Variants in AFF3 observed in about 807,000 individuals in gnomAD.
The protein encoded by AFF3 is AF4/FMR2 family member 3.
AFF3 carries 32 observed loss-of-function variants against 129.7 expected under a neutral mutation model. The ratio of observed to expected loss-of-function variants is 0.25; its 90% CI spans 0.19 to 0.33. The LOEUF is 0.33. Ranked by LOEUF, AFF3 falls within the 10% of genes least tolerant of loss-of-function variation. The pLI is 1.00. For missense variants in AFF3, 1,373 were observed against 1,592.0 expected, an observed-to-expected ratio of 0.86 and a Z score of 2.34; for synonymous variants, 644 against 635.4, an observed-to-expected ratio of 1.01 and a Z score of -0.20.
chr2:100,142,011 T>A (rs1692904641), intron 1 of AFF3, among the ~76,000 whole-genome samples: 1 of 152,122 alleles, frequency 6.6e-6, no homozygotes, highest in Non-Finnish European at 1.5e-5. Context: ...CTGCCCATGA[T>A]CTCTCCTTGC....
chr2:99,720,224 T>G (rs1678772067), intron 11 of AFF3, among the ~76,000 whole-genome samples: 1 of 152,098 alleles, frequency 6.6e-6, no homozygotes. Flanking sequence ...ATCCCCAGTG[T>G]GGTGGTATTG....
At position 99,593,582 on chromosome 2, in the gene AFF3, T is replaced by G. The variant is rs1472011216; in HGVS notation, c.2079A>C (p.Ala693=). ...SEQEEYPLSK[A]QTVAASASSG... ...AGGAGGCAGAGGCAGCCACGGTCTG[T>G]GCTTTGGACAGAGGGTACTCCTCCT... Residue 693 remains alanine (A), a synonymous_variant, in exon 15 of 25, where the codon GCA becomes GCC. Coordinates refer to ENST00000672756, the MANE Select transcript of AFF3 (RefSeq NM_001386135.1). 3 of 1,613,064 alleles carry G rather than the reference T, an allele frequency of 1.9e-6. No individual in the cohort carries two copies. Among genetic ancestry groups the G allele is most frequent in the South Asian group, 2.2e-5 (2 of 91,074 alleles).
At chr2:99,750,044 G>T (rs1681500553) in intron 9 of AFF3, among the ~76,000 whole-genome samples, 1 of 152,068 alleles carries the variant, frequency 6.6e-6, no homozygotes, top group Non-Finnish European at 1.5e-5. Flanking sequence ...AAGAGAATTA[G>T]AATAAAATAG....
At chr2:99,838,930 C>A (rs763895473) in intron 7 of AFF3, among the ~76,000 whole-genome samples, 7 of 152,092 alleles carry the variant, frequency 4.6e-5, no homozygotes, top group Non-Finnish European at 7.4e-5. Context: ...AACACTCTAC[C>A]CTTCACTTGA....
intron 7 of AFF3, among the ~76,000 whole-genome samples, chr2:99,916,200 A>AGTGT (rs1267913560): frequency 6.6e-6 from 1 of 152,126 alleles, no homozygotes; most frequent in Non-Finnish European, 1.5e-5. Flanking sequence ...TCTGCCTGGG[A>AGTGT]CACTCTTCCC....
intron 13 of AFF3, among the ~76,000 whole-genome samples, chr2:99,648,628 C>A (rs1684905587): frequency 6.6e-6 from 1 of 152,062 alleles, no homozygotes; most frequent in Non-Finnish European, 1.5e-5. Flanking sequence ...TTCACTCATG[C>A]ACACCAGATA....
rs547382634 is a variant in AFF3 at position 99,759,694 on chromosome 2, T to C, written c.922-7393A>G. ...TTCCAAAACCTAAGAATTATTTCTA[T>C]GATTTTAATACATTTATAATGTAAT... On this transcript the variant is annotated intron_variant, in intron 8 of 24. Coordinates refer to ENST00000672756, the MANE Select transcript of AFF3 (RefSeq NM_001386135.1). Among the ~76,000 whole-genome samples, 7 of 152,384 alleles carry C rather than the reference T, an allele frequency of 4.6e-5. No homozygotes were observed. In the East Asian group the frequency reaches 1.3e-3, roughly 29 times the overall value.
intron 10 of AFF3, among the ~76,000 whole-genome samples, chr2:99,730,530 T>TG (rs1243683144): frequency 6.6e-6 from 1 of 151,960 alleles, no homozygotes; most frequent in Non-Finnish European, 1.5e-5. Flanking sequence ...TTTTTTTTTT[T>TG]TTTGAGATGG....
chr2:99,835,069 A>G (rs77962501), intron 8 of AFF3, among the ~76,000 whole-genome samples: 2,944 of 152,092 alleles, frequency 0.019, 87 homozygotes, highest in African/African-American at 0.065. Context: ...CCCGCAAACC[A>G]GGATCTTCCC....
Position 99,547,186 on chromosome 2 carries a change from A to C in AFF3, c.*4288T>G, listed in dbSNP as rs767458562. On this transcript the variant is annotated 3_prime_UTR_variant, in exon 25 of 25. Coordinates refer to ENST00000672756, the MANE Select transcript of AFF3 (RefSeq NM_001386135.1). ...CTGACTTGAACGTATTTTGATTCTC[A>C]AGTTTCCGTGTAAAAATATTCACAG... 3.7e-5 allele frequency: 8 copies of C among 216,486 alleles called. No individual in the cohort carries two copies. The highest frequency in any genetic ancestry group is 6.5e-5 in the Non-Finnish European group (7 of 107,536). 13.4% of individuals were successfully genotyped at this position (216,486 alleles called of 1,614,324 possible).
At chr2:100,011,240 C>G (rs988002698) in intron 4 of AFF3, among the ~76,000 whole-genome samples, 2 of 152,174 alleles carry the variant, frequency 1.3e-5, no homozygotes, top group African/African-American at 4.8e-5. Context: ...CGCCACTGCA[C>G]TCCAGCCTGG....
intron 7 of AFF3, among the ~76,000 whole-genome samples, chr2:99,846,891 C>A (rs1006649034): frequency 9.2e-5 from 14 of 152,178 alleles, no homozygotes; most frequent in African/African-American, 3.1e-4. Context: ...CTCTTCCTGA[C>A]CCTCAGAACA....
At chr2:99,919,192 T>C (rs1695688848) in intron 7 of AFF3, among the ~76,000 whole-genome samples, 1 of 152,170 alleles carries the variant, frequency 6.6e-6, no homozygotes, top group African/African-American at 2.4e-5. Flanking sequence ...TAATTCTTCT[T>C]TTATGGATGA....
chr2:99,848,151 G>T (rs1195828522), intron 7 of AFF3, among the ~76,000 whole-genome samples: 5 of 152,064 alleles, frequency 3.3e-5, no homozygotes, highest in Non-Finnish European at 7.4e-5. Context: ...TTGGGAGGCT[G>T]AGGTGGGAGA....
At chr2:99,955,725 T>G (rs976167156) in intron 7 of AFF3, among the ~76,000 whole-genome samples, 3 of 152,200 alleles carry the variant, frequency 2.0e-5, no homozygotes, top group Admixed American at 6.5e-5. Flanking sequence ...AGGCCAAATT[T>G]TTTATACAAG....
intron 13 of AFF3, among the ~76,000 whole-genome samples, chr2:99,635,447 G>A (rs1683564542): frequency 6.6e-6 from 1 of 152,064 alleles, no homozygotes; most frequent in Admixed American, 6.5e-5. Context: ...ACAGGTGTGT[G>A]CCACCATGCT....
At chr2:100,066,130 TG>T in intron 4 of AFF3, among the ~76,000 whole-genome samples, 1 of 152,296 alleles carries the variant, frequency 6.6e-6, no homozygotes, top group African/African-American at 2.4e-5. Context: ...CAGATATTTT[TG>T]GGGTTGTGAG....
intron 15 of AFF3, among the ~76,000 whole-genome samples, chr2:99,587,843 C>A (rs903677642): frequency 6.6e-6 from 1 of 152,020 alleles, no homozygotes; most frequent in Non-Finnish European, 1.5e-5. Context: ...AACCCCATCT[C>A]TACTAAAATA....
chr2:99,705,356 A>T (rs957144907), intron 11 of AFF3, among the ~76,000 whole-genome samples: 2 of 152,162 alleles, frequency 1.3e-5, no homozygotes, highest in African/African-American at 4.8e-5. Flanking sequence ...TAGGAAGAAC[A>T]ATTAAGAAAA....
Sources: allele counts gnomAD v4.1 joint callset (sites outside exome capture counted in the v4.1 genomes callset), GRCh38; gene constraint gnomAD v4.1.1; transcripts MANE v1.5; gene names NCBI Gene and HGNC (gene_info 2026-07-23, HGNC 2026-07-21).